KCND3: variants seen among roughly 807,000 people sequenced by gnomAD.
KCND3 encodes A-type voltage-gated potassium channel KCND3.
KCND3 carries 9 observed loss-of-function variants against 51.1 expected under a neutral mutation model. That is an observed-to-expected ratio of 0.18 (90% CI 0.11 to 0.31). The LOEUF is 0.31. KCND3 is among the 10% of genes least tolerant of loss of function. KCND3 has a pLI of 1.00. For missense variants in KCND3, 526 were observed against 903.8 expected (o/e 0.58, Z 5.36); for synonymous variants, 349 against 368.0 (o/e 0.95, Z 0.59).
At chr1:111,947,006 T>C (rs998984233) in intron 2 of KCND3, among the ~76,000 whole-genome samples, 2 of 152,222 alleles carry the variant, frequency 1.3e-5, no homozygotes, top group African/African-American at 4.8e-5. Context: ...CTGAGTATCC[T>C]TTAAGGTGAA....
chr1:111,835,169 C>T (rs896805852), intron 2 of KCND3, among the ~76,000 whole-genome samples: 2 of 152,198 alleles, frequency 1.3e-5, no homozygotes, highest in East Asian at 3.9e-4. Flanking sequence ...GGGTCTAATT[C>T]CTGACCTTTG....
At chr1:111,947,431 C>T (rs1292778806) in intron 2 of KCND3, among the ~76,000 whole-genome samples, 1 of 152,218 alleles carries the variant, frequency 6.6e-6, no homozygotes, top group Non-Finnish European at 1.5e-5. Context: ...AATGTACTTT[C>T]TCAAACATCT....
chr1:111,943,486 G>A (rs1314447058), intron 2 of KCND3, among the ~76,000 whole-genome samples: 1 of 152,214 alleles, frequency 6.6e-6, no homozygotes, highest in Admixed American at 6.5e-5. Context: ...GGTCCAGAGA[G>A]GGCGAGTGAC....
chr1:111,947,914 A>G (rs1672860851), intron 2 of KCND3, among the ~76,000 whole-genome samples: 1 of 152,106 alleles, frequency 6.6e-6, no homozygotes, highest in Admixed American at 6.5e-5. Flanking sequence ...GGGTACGATG[A>G]CACTTCTCCA....
chr1:111,871,979 T>C (rs1333049417), intron 2 of KCND3, among the ~76,000 whole-genome samples: 2 of 152,082 alleles, frequency 1.3e-5, no homozygotes, highest in Non-Finnish European at 2.9e-5. Context: ...TGAGAAATGG[T>C]CAGTACCGTC....
chr1:111,837,779 G>A (rs1027666055), intron 2 of KCND3, among the ~76,000 whole-genome samples: 11 of 152,046 alleles, frequency 7.2e-5, no homozygotes, highest in African/African-American at 2.2e-4. Context: ...GCCCCCCCTC[G>A]AAAAACACTA....
Position 111,905,143 on chromosome 1 carries a change from G to T in KCND3, c.1106+76478C>A, listed in dbSNP as rs766985777. On this transcript the variant is annotated intron_variant, in intron 2 of 7. Coordinates refer to ENST00000302127, the MANE Select transcript of KCND3 (RefSeq NM_001378969.1). Reference sequence around the variant, plus strand: ...ACTGATTTAGAAACTGCGTGGTCTTGTTCTTTGAGTGGATTTCTGAGGCAC... The same window carrying T: ...ACTGATTTAGAAACTGCGTGGTCTTTTTCTTTGAGTGGATTTCTGAGGCAC... Among the ~76,000 whole-genome samples the T allele has an allele frequency of 1.9e-4, 29 of 152,168 alleles. 1 individual carries two copies. The highest frequency in any genetic ancestry group is 3.8e-4 in the Non-Finnish European group (26 of 68,024).
intron 2 of KCND3, among the ~76,000 whole-genome samples, chr1:111,934,925 T>A (rs1672149740): frequency 6.6e-6 from 1 of 152,254 alleles, no homozygotes; most frequent in Admixed American, 6.5e-5. Context: ...CTTACATTAA[T>A]GCCTGGCATG....
chr1:111,777,130 G>T lies in KCND3; in HGVS notation c.1662C>A (p.Thr554=), dbSNP rs1322069607. The T allele has an allele frequency of 8.7e-6, 14 of 1,614,150 alleles. No individual in the cohort carries two copies. The highest frequency in any genetic ancestry group is 1.2e-5 in the Non-Finnish European group (14 of 1,180,016). The change falls in exon 7 of 8, where the codon ACC becomes ACA. Residue 554 remains threonine, a synonymous_variant. Transcript: ENST00000302127. ...TTCCSRRSKK[T]THLPNSNLPA... ...GCAGGTTAGAATTGGGCAGGTGTGT[G>T]GTCTTCTTACTACGACGGGAGCAGC...
At chr1:111,789,090 G>A (rs1353395669) in intron 2 of KCND3, among the ~76,000 whole-genome samples, 2 of 152,218 alleles carry the variant, frequency 1.3e-5, no homozygotes, top group African/African-American at 4.8e-5. Flanking sequence ...TGTGGGCACA[G>A]GGCTGTGGAT....
At chr1:111,844,490 T>G (rs1441260714) in intron 2 of KCND3, among the ~76,000 whole-genome samples, 2 of 152,202 alleles carry the variant, frequency 1.3e-5, no homozygotes, top group Non-Finnish European at 2.9e-5. Flanking sequence ...CTCTGAGCCC[T>G]GCCATCATCC....
At chr1:111,785,245 AG>A (rs551422428) in intron 3 of KCND3, among the ~76,000 whole-genome samples, 1 of 152,194 alleles carries the variant, frequency 6.6e-6, no homozygotes, top group South Asian at 2.1e-4. Context: ...CAGGGCCACT[AG>A]AGGATCCCTG....
chr1:111,899,879 T>C (rs754478538), intron 2 of KCND3, among the ~76,000 whole-genome samples: 30 of 152,166 alleles, frequency 2.0e-4, no homozygotes, highest in Non-Finnish European at 3.7e-4. Context: ...TTCCTGTACA[T>C]GCTCCTTATG....
chr1:111,957,970 T>C (rs1200538075), intron 2 of KCND3, among the ~76,000 whole-genome samples: 1 of 152,120 alleles, frequency 6.6e-6, no homozygotes, highest in East Asian at 1.9e-4. Flanking sequence ...CCAGTTGAGG[T>C]GAAACTTGGG....
chr1:111,871,304 G>A (rs1668818684), intron 2 of KCND3, among the ~76,000 whole-genome samples: 1 of 152,174 alleles, frequency 6.6e-6, no homozygotes, highest in Non-Finnish European at 1.5e-5. Context: ...GGAACGTCAG[G>A]TTAAGAAGCC....
At chr1:111,892,825 A>C (rs1187649291) in intron 2 of KCND3, among the ~76,000 whole-genome samples, 2 of 152,234 alleles carry the variant, frequency 1.3e-5, no homozygotes, top group African/African-American at 4.8e-5. Context: ...TTAATGAACA[A>C]AAGAGAAGTA....
chr1:111,894,870 G>T (rs182554250), intron 2 of KCND3, among the ~76,000 whole-genome samples: 1 of 152,202 alleles, frequency 6.6e-6, no homozygotes, highest in African/African-American at 2.4e-5. Context: ...GCTGAAGTCA[G>T]AGCAGCAGCA....
At chr1:111,782,423 G>T (rs1348205409) in intron 3 of KCND3, among the ~76,000 whole-genome samples, 1 of 152,074 alleles carries the variant, frequency 6.6e-6, no homozygotes, top group Non-Finnish European at 1.5e-5. Context: ...GGGAGAGAAA[G>T]GATGATGGCA....
rs1668045782 is a variant in KCND3, at chr1:111,855,926, G to A, written c.1107-68820C>T. 2.0e-5 allele frequency among the ~76,000 whole-genome samples: 3 copies of A among 152,142 alleles called. No homozygotes were observed. In the South Asian group the frequency reaches 6.2e-4, roughly 32 times the overall value. On this transcript the variant is annotated intron_variant, in intron 2 of 7. Coordinates refer to ENST00000302127, the MANE Select transcript of KCND3 (RefSeq NM_001378969.1). ...ATCATAGAAACGGCCCCCTCAAGAGGAGCTATGGCCTTCAACTATGGGGCA... is the reference window on the plus strand; with the variant it reads ...ATCATAGAAACGGCCCCCTCAAGAGAAGCTATGGCCTTCAACTATGGGGCA...
Sources: allele counts gnomAD v4.1 joint callset (sites outside exome capture counted in the v4.1 genomes callset), GRCh38; gene constraint gnomAD v4.1.1; transcripts MANE v1.5; gene names NCBI Gene and HGNC (gene_info 2026-07-23, HGNC 2026-07-21).